The following HPCAL1 variants were observed in gnomAD, a reference collection of about 807,000 sequenced individuals.
HPCAL1 encodes the protein hippocalcin-like protein 1.
In HPCAL1, 8 loss-of-function variants were observed where a neutral mutation model predicts 17.1. The observed-to-expected ratio is 0.47, with a 90% confidence interval of 0.27 to 0.84. HPCAL1 has a LOEUF of 0.84. HPCAL1 is among the 40% of genes least tolerant of loss of function. HPCAL1 has a pLI of 0.13. For synonymous variants in HPCAL1, 112 were observed against 111.4 expected (o/e 1.01, Z -0.03); for missense variants, 165 against 271.1 (o/e 0.61, Z 2.75).
At chr2:10,352,089 G>T (rs147942229) in intron 1 of HPCAL1, among the ~76,000 whole-genome samples, 2,177 of 152,086 alleles carry the variant, frequency 0.014, 43 homozygotes, top group African/African-American at 0.044. Flanking sequence ...TTTTAGTAGA[G>T]AAGGAGTTTT....
At chr2:10,358,022 G>A (rs191222324) in intron 1 of HPCAL1, among the ~76,000 whole-genome samples, 118 of 152,320 alleles carry the variant, frequency 7.7e-4, no homozygotes, top group African/African-American at 2.6e-3. Flanking sequence ...TTCCTTTCCC[G>A]TGTCCACCAC....
intron 1 of HPCAL1, among the ~76,000 whole-genome samples, chr2:10,386,189 T>G (rs13014806): frequency 1.4e-4 from 21 of 152,052 alleles, no homozygotes; most frequent in African/African-American, 4.6e-4. Context: ...GCCTTCCATC[T>G]TGCCTGGGCC....
At chr2:10,368,232 T>G (rs1168167417) in intron 1 of HPCAL1, among the ~76,000 whole-genome samples, 1 of 144,694 alleles carries the variant, frequency 6.9e-6, no homozygotes, top group Admixed American at 6.9e-5. Context: ...TGTACACATA[T>G]GCATGTGTGT....
chr2:10,319,480 G>A (rs1663531819), intron 1 of HPCAL1, among the ~76,000 whole-genome samples: 1 of 151,680 alleles, frequency 6.6e-6, no homozygotes, highest in Admixed American at 6.6e-5. Context: ...AGCCAGGCAT[G>A]GCTCAAATCA....
chr2:10,421,179 T>C (rs11676645), intron 3 of HPCAL1, among the ~76,000 whole-genome samples: 75,644 of 152,152 alleles, frequency 0.5, 19,756 homozygotes, highest in East Asian at 0.67. Context: ...TGCGCAGTCA[T>C]CAAGTAAAAC....
intron 2 of HPCAL1, among the ~76,000 whole-genome samples, chr2:10,399,162 C>T (rs1030375321): frequency 6.7e-6 from 1 of 148,994 alleles, no homozygotes; most frequent in African/African-American, 2.5e-5. Flanking sequence ...TTCCCATCCC[C>T]AGACCCCTGG....
rs1259458992 is a variant in HPCAL1, at chr2:10,384,527, G to A, written c.-110-12308G>A. 6.6e-6 allele frequency among the ~76,000 whole-genome samples: 1 copy of A among 152,128 alleles called. No homozygotes were observed. Among genetic ancestry groups the A allele is most frequent in the African/African-American group, 2.4e-5 (1 of 41,444 alleles). On this transcript the variant is annotated intron_variant, in intron 1 of 4. Coordinates refer to ENST00000307845, the MANE Select transcript of HPCAL1 (RefSeq NM_002149.4). The surrounding 1 kb of genome is among the most constrained non-coding windows in gnomAD (Gnocchi z 4.4). ...ACTGGGGCAAGGCCCCCTCCCCCAT[G>A]GGGCTACAGATGCTAATCTGCAAAT...
chr2:10,388,710 A>C (rs1572786687), intron 1 of HPCAL1, among the ~76,000 whole-genome samples: 1 of 151,472 alleles, frequency 6.6e-6, no homozygotes, highest in South Asian at 2.1e-4. Context: ...CCCAAGTCCC[A>C]CTCCCTGCCG....
intron 1 of HPCAL1, among the ~76,000 whole-genome samples, chr2:10,388,223 C>A (rs150780658): frequency 1.1e-3 from 166 of 152,260 alleles, no homozygotes; most frequent in African/African-American, 3.9e-3. Flanking sequence ...TCCCCGGGGC[C>A]GTCGGCATTT....
rs369372746 is a variant in HPCAL1 at position 10,422,978 on chromosome 2, C to T, written c.379-5C>T. On this transcript the variant is annotated splice_polypyrimidine_tract_variant and splice_region_variant and intron_variant, in intron 3 of 4. Transcript: ENST00000307845. ...TGAGCACAGTGTCATTGCCCCCATC[C>T]GCAGGCCATCTACAAGATGGTGTCG... 12 of 1,607,880 alleles carry T rather than the reference C, an allele frequency of 7.5e-6. No individual in the cohort carries two copies. The highest frequency in any genetic ancestry group is 2.7e-5 in the African/African-American group (2 of 74,854).
In HPCAL1 at chr2:10,419,931, C is replaced by T. The variant is rs1280064536; in HGVS notation, c.174C>T (p.Tyr58=). The T allele has an allele frequency of 3.1e-6, 5 of 1,613,986 alleles. No homozygotes were observed. The South Asian group carries it at 3.3e-5, about 11-fold the overall frequency. Reference sequence around the variant, plus strand: ...AGATCTACGCCAACTTCTTCCCCTACGGCGACGCTTCCAAGTTCGCCGAGC... The same window carrying T: ...AGATCTACGCCAACTTCTTCCCCTATGGCGACGCTTCCAAGTTCGCCGAGC... ...FKKIYANFFP[Y]GDASKFAEHV... is the part of the protein sequence containing the mutation. The change falls in exon 3 of 5, where the codon TAC becomes TAT. Residue 58 remains tyrosine, a synonymous_variant. Coordinates refer to ENST00000307845, the MANE Select transcript of HPCAL1 (RefSeq NM_002149.4). This position sits in a 1 kb window ranked among gnomAD's most constrained non-coding sequence, Gnocchi z 5.0.
At chr2:10,303,380 G>A (rs190919977) in intron 1 of HPCAL1, among the ~76,000 whole-genome samples, 1 of 152,342 alleles carries the variant, frequency 6.6e-6, no homozygotes, top group Non-Finnish European at 1.5e-5. Flanking sequence ...CGAATGGCGT[G>A]TACTCGTGGG....
chr2:10,322,463 T>A (rs1488960690), intron 1 of HPCAL1, among the ~76,000 whole-genome samples: 2 of 152,206 alleles, frequency 1.3e-5, no homozygotes, highest in Non-Finnish European at 2.9e-5. Context: ...CAAGGATGCT[T>A]CCACCAAGGG....
intron 2 of HPCAL1, among the ~76,000 whole-genome samples, chr2:10,398,663 C>A (rs1335447237): frequency 6.6e-6 from 1 of 152,062 alleles, no homozygotes; most frequent in Non-Finnish European, 1.5e-5. Context: ...AGTGAGCTCC[C>A]CACCCTCTGC....
At chr2:10,312,430 C>G (rs989077438) in intron 1 of HPCAL1, among the ~76,000 whole-genome samples, 15 of 151,400 alleles carry the variant, frequency 9.9e-5, no homozygotes, top group Non-Finnish European at 1.9e-4. Context: ...TCACCATCAT[C>G]ATCACTATCA....
At chr2:10,387,392 C>G (rs137952083) in intron 1 of HPCAL1, among the ~76,000 whole-genome samples, 11 of 152,224 alleles carry the variant, frequency 7.2e-5, no homozygotes, top group African/African-American at 2.4e-4. Context: ...TGGGGCACGT[C>G]CACGTGGAGA....
At chr2:10,355,167 C>T (rs908670297) in intron 1 of HPCAL1, among the ~76,000 whole-genome samples, 3 of 152,086 alleles carry the variant, frequency 2.0e-5, no homozygotes, top group South Asian at 2.1e-4. Context: ...AAGAGTTTAA[C>T]GGGGCCGGGC....
At chr2:10,422,865 G>A in intron 3 of HPCAL1, 118 bp from the exon 4 acceptor site, 1 of 665,736 alleles carries the variant, frequency 1.5e-6, no homozygotes, top group Non-Finnish European at 2.7e-6. Context: ...GGTCCCGAAG[G>A]CCACCGGGAG....
intron 1 of HPCAL1, among the ~76,000 whole-genome samples, chr2:10,356,637 G>A (rs149805655): frequency 1.9e-4 from 29 of 152,230 alleles, no homozygotes; most frequent in African/African-American, 6.5e-4. Flanking sequence ...GCCAGGCCCC[G>A]TGCCCCACAC....
Sources: gnomAD v4.1 joint callset for allele counts (sites outside exome capture counted in the v4.1 genomes callset) on GRCh38, gnomAD v4.1.1 for gene constraint, Gnocchi (gnomAD v3.1) non-coding constraint, MANE v1.5 for transcripts, NCBI Gene and HGNC (gene_info 2026-07-23, HGNC 2026-07-21) for gene names.